CTIF: variants seen among roughly 807,000 people sequenced by gnomAD.
CTIF encodes CBP80/20-dependent translation initiation factor.
In CTIF, 21 loss-of-function variants were observed where a neutral mutation model predicts 66.0. The observed-to-expected ratio is 0.32, with a 90% CI of 0.23 to 0.46. The LOEUF (loss-of-function observed/expected upper bound fraction) is 0.46. CTIF is among the 20% of genes least tolerant of loss of function. CTIF has a pLI of 1.00. For missense variants in CTIF, 739 were observed against 812.7 expected (o/e 0.91, Z 1.10); for synonymous variants, 345 against 326.4 (o/e 1.06, Z -0.62).
chr18:48,716,785 G>A (rs573956895), intron 7 of CTIF, among the ~76,000 whole-genome samples: 9 of 152,188 alleles, frequency 5.9e-5, no homozygotes, highest in Non-Finnish European at 1.3e-4. Context: ...GTGGTCCATC[G>A]CACCGTGCCT....
At chr18:48,599,319 C>T (rs2090047765) in intron 1 of CTIF, among the ~76,000 whole-genome samples, 1 of 151,864 alleles carries the variant, frequency 6.6e-6, no homozygotes, top group Non-Finnish European at 1.5e-5. Context: ...TTACATTTTT[C>T]CTCTTAAAGG....
At chr18:48,641,271 T>C (rs1165705779) in intron 3 of CTIF, among the ~76,000 whole-genome samples, 1 of 152,224 alleles carries the variant, frequency 6.6e-6, no homozygotes, top group Non-Finnish European at 1.5e-5. Context: ...GAGCAGCTGT[T>C]TTCCATCTGC....
chr18:48,656,468 A>G (rs995065318), intron 3 of CTIF, among the ~76,000 whole-genome samples: 6 of 152,174 alleles, frequency 3.9e-5, no homozygotes, highest in Admixed American at 6.5e-5. Flanking sequence ...TGCTGGGTCA[A>G]TATCTCCTAT....
chr18:48,579,123 C>CTTA lies in CTIF; in HGVS notation c.-29+39829_-29+39831dup, dbSNP rs138970367. On this transcript the variant is annotated intron_variant, in intron 1 of 11. Coordinates refer to ENST00000256413, the MANE Select transcript of CTIF (RefSeq NM_014772.3). ...CAGGAGTGCAGTGGTATACTCATAG[C>CTTA]TTATTATTATTATTATTATTTTGAC... is the stretch of plus-strand genomic sequence containing the variant. Among the ~76,000 whole-genome samples, 1,267 of 151,798 alleles carry CTTA rather than the reference C, an allele frequency of 8.3e-3. 7 individuals carry two copies. Among genetic ancestry groups the CTTA allele is most frequent in the African/African-American group, 0.019 (798 of 41,364 alleles).
chr18:48,626,201 C>T (rs776865119), intron 2 of CTIF, among the ~76,000 whole-genome samples: 13 of 151,866 alleles, frequency 8.6e-5, no homozygotes, highest in East Asian at 1.9e-4. Flanking sequence ...GGGGTTTCAC[C>T]ATATTGATCA....
chr18:48,591,232 G>A (rs1180227166), intron 1 of CTIF, among the ~76,000 whole-genome samples: 1 of 152,194 alleles, frequency 6.6e-6, no homozygotes, highest in East Asian at 1.9e-4. Context: ...TAATTACCCT[G>A]ACTCTTCTAA....
intron 6 of CTIF, among the ~76,000 whole-genome samples, chr18:48,693,319 TCA>T (rs1319527300): frequency 6.6e-6 from 1 of 152,218 alleles, no homozygotes; most frequent in Non-Finnish European, 1.5e-5. Flanking sequence ...CTAAAAATAC[TCA>T]CTTTTTCTCC....
chr18:48,654,289 C>A (rs910036761), intron 3 of CTIF, among the ~76,000 whole-genome samples: 20 of 152,002 alleles, frequency 1.3e-4, no homozygotes, highest in African/African-American at 4.1e-4. Context: ...AGAAAAAAAA[C>A]AACCCCATCA....
intron 3 of CTIF, among the ~76,000 whole-genome samples, chr18:48,657,871 T>C (rs2091270540): frequency 6.6e-6 from 1 of 152,198 alleles, no homozygotes; most frequent in Non-Finnish European, 1.5e-5. Flanking sequence ...AACGCTTGCC[T>C]GGGATGAGCC....
chr18:48,799,470 A>C (rs756998421), intron 9 of CTIF, among the ~76,000 whole-genome samples: 55 of 151,186 alleles, frequency 3.6e-4, no homozygotes, highest in Non-Finnish European at 5.5e-4. Context: ...GTGAGGAATC[A>C]GTCCTTTCTT....
chr18:48,652,031 A>G (rs1045872761), intron 3 of CTIF, among the ~76,000 whole-genome samples: 1 of 152,212 alleles, frequency 6.6e-6, no homozygotes, highest in African/African-American at 2.4e-5. Flanking sequence ...TCTAAAATTG[A>G]CAAAGATCTA....
At chr18:48,548,291 C>T (rs541300794) in intron 1 of CTIF, among the ~76,000 whole-genome samples, 45 of 152,306 alleles carry the variant, frequency 3.0e-4, no homozygotes, top group African/African-American at 1.1e-3. Context: ...AGGCCTGTCC[C>T]ACACTCTTGG....
At chr18:48,772,127 T>C (rs563185058) in intron 9 of CTIF, among the ~76,000 whole-genome samples, 4 of 152,318 alleles carry the variant, frequency 2.6e-5, no homozygotes, top group Admixed American at 2.6e-4. Context: ...GAGGTCCTCC[T>C]CTGGAACCAG....
intron 1 of CTIF, among the ~76,000 whole-genome samples, chr18:48,584,354 G>C (rs542462892): frequency 1.5e-4 from 23 of 152,250 alleles, no homozygotes; most frequent in Admixed American, 5.9e-4. Flanking sequence ...GCTGTTCTTT[G>C]CACAAGAAAC....
At chr18:48,547,621 C>G (rs1051843066) in intron 1 of CTIF, among the ~76,000 whole-genome samples, 2 of 152,326 alleles carry the variant, frequency 1.3e-5, no homozygotes, top group East Asian at 3.9e-4. Context: ...CCACCCTCCT[C>G]GCTGGCCATT....
Position 48,676,027 on chromosome 18 carries a change from C to A in CTIF, c.507+5283C>A, listed in dbSNP as rs372745188. On this transcript the variant is annotated intron_variant, in intron 6 of 11. Transcript: ENST00000256413. ...CTGGTCTGAGACCACCCCCCGGCAC[C>A]CCCTCCCCCAGGACCCCTTTACTCT... 5.9e-5 allele frequency among the ~76,000 whole-genome samples: 9 copies of A among 152,266 alleles called. No individual in the cohort carries two copies. In the East Asian group the frequency reaches 1.7e-3, roughly 29 times the overall value.
intron 9 of CTIF, among the ~76,000 whole-genome samples, chr18:48,810,718 C>CT (rs1233073242): frequency 1.4e-3 from 202 of 145,690 alleles, no homozygotes; most frequent in Admixed American, 2.0e-3. Context: ...TCCTATGTTT[C>CT]TTTTTTTTTT....
intron 9 of CTIF, among the ~76,000 whole-genome samples, chr18:48,786,398 C>T (rs957559248): frequency 3.3e-5 from 5 of 152,194 alleles, no homozygotes; most frequent in Admixed American, 6.5e-5. Flanking sequence ...GCATTCCTGC[C>T]TAGGTTCAAA....
At chr18:48,618,726 G>A (rs997164695) in intron 1 of CTIF, among the ~76,000 whole-genome samples, 11 of 152,338 alleles carry the variant, frequency 7.2e-5, no homozygotes, top group Admixed American at 7.2e-4. Flanking sequence ...TCCAGAGATT[G>A]CAGTTCTGTT....
Sources: gnomAD v4.1 joint callset for allele counts (sites outside exome capture counted in the v4.1 genomes callset) on GRCh38, gnomAD v4.1.1 for gene constraint, MANE v1.5 for transcripts, NCBI Gene and HGNC (gene_info 2026-07-23, HGNC 2026-07-21) for gene names.